PCDHA1: variants seen among roughly 807,000 people sequenced by gnomAD.
The protein encoded by PCDHA1 is protocadherin alpha-1.
In PCDHA1, 42 loss-of-function variants were observed where a neutral mutation model predicts 61.3. The observed-to-expected ratio is 0.69, with a 90% confidence interval of 0.54 to 0.89. PCDHA1 has a LOEUF of 0.89. Ranked by LOEUF, PCDHA1 falls within the 40% of genes least tolerant of loss-of-function variation. The pLI is 0.00. For synonymous variants in PCDHA1, 610 were observed against 553.8 expected (o/e 1.10, Z -1.43); for missense variants, 1,256 against 1,235.3 (o/e 1.02, Z -0.25).
At chr5:140,956,142 T>C (rs1416783643) in intron 1 of PCDHA1, among the ~76,000 whole-genome samples, 1 of 152,194 alleles carries the variant, frequency 6.6e-6, no homozygotes, top group East Asian at 1.9e-4. Flanking sequence ...CCTTTATTTC[T>C]TTCTCTTTCC....
chr5:140,882,775 C>G, intron 1 of PCDHA1: 10 of 1,614,220 alleles, frequency 6.2e-6, no homozygotes, highest in Non-Finnish European at 8.5e-6. Flanking sequence ...CGGCATTGAC[C>G]TACCGACTGG....
Position 140,858,553 on chromosome 5 carries a change from G to A in PCDHA1, c.2394+69869G>A, listed in dbSNP as rs782150802. 10 of 1,392,490 alleles carry A rather than the reference G, an allele frequency of 7.2e-6. 2 individuals are homozygous for A. In the South Asian group the frequency reaches 1.1e-4, roughly 16 times the overall value. The allele number at this position is 1,392,490 out of a possible 1,614,324, so 86.3% of individuals were successfully genotyped here. ...TTTTGTCTACATTCCATTTATGCTT[G>A]AATATTTCTAGTGATACCTTTGTAA... On this transcript the variant is annotated intron_variant, in intron 1 of 3. Coordinates refer to ENST00000504120, the MANE Select transcript of PCDHA1 (RefSeq NM_018900.4).
At position 141,012,270 on chromosome 5, in the gene PCDHA1, G is replaced by A. The variant is rs782033901; in HGVS notation, c.*2333G>A. On this transcript the variant is annotated 3_prime_UTR_variant, in exon 4 of 4. Coordinates refer to ENST00000504120, the MANE Select transcript of PCDHA1 (RefSeq NM_018900.4). ...TATTACAGCTGTAAGGATAAAACAC[G>A]TCATGTGGATTCATTTTGAATTGGT... is the stretch of plus-strand genomic sequence containing the variant. 4 of 153,734 alleles carry A rather than the reference G, an allele frequency of 2.6e-5. No individual in the cohort carries two copies. The highest frequency in any genetic ancestry group is 5.9e-5 in the Non-Finnish European group (4 of 68,028). 9.5% of individuals were successfully genotyped at this position (153,734 alleles called of 1,614,324 possible).
At position 140,982,581 on chromosome 5, in the gene PCDHA1, C is replaced by G. The variant is rs782060139; in HGVS notation, c.2542+18C>G. 6.2e-7 allele frequency: 1 copy of G among 1,612,214 alleles called. No homozygotes were observed. The highest frequency in any genetic ancestry group is 1.1e-5 in the South Asian group (1 of 90,796). The stretch of plus-strand genomic sequence containing the variant: ...AACACCAGGTAAAGAGCTGGGGTCT[C>G]TCCATTCTTTCTTGGTTTCTGGAAA... On this transcript the variant is annotated intron_variant, in intron 3 of 3. Transcript: ENST00000504120.
Position 140,924,861 on chromosome 5 carries a change from C to T in PCDHA1, c.2395-54088C>T, listed in dbSNP as rs150955497. ...AGGGAGCTCAGATCGTGCCACTGCA[C>T]TCCAGCCTGGGTGACAGAGCAAGAA... On this transcript the variant is annotated intron_variant, in intron 1 of 3. Transcript: ENST00000504120. Among the ~76,000 whole-genome samples, 427 of 150,140 alleles carry T rather than the reference C, an allele frequency of 2.8e-3. 1 individual carries two copies. The highest frequency in any genetic ancestry group is 0.01 in the African/African-American group (408 of 40,512).
At chr5:140,830,269 A>G (rs2150183853) in intron 1 of PCDHA1, 5 of 1,613,514 alleles carry the variant, frequency 3.1e-6, no homozygotes, top group Admixed American at 1.7e-5. Flanking sequence ...GCTCGGCGCC[A>G]CCCACCGAGG....
chr5:140,978,810 G>C, intron 1 of PCDHA1, 139 bp from the exon 2 acceptor site: 2 of 1,500,034 alleles, frequency 1.3e-6, no homozygotes, highest in Non-Finnish European at 1.8e-6. Flanking sequence ...TATCATCATA[G>C]AGTTACACAT....
intron 1 of PCDHA1, among the ~76,000 whole-genome samples, chr5:140,793,782 C>T (rs1458104458): frequency 2.0e-5 from 3 of 151,962 alleles, no homozygotes; most frequent in African/African-American, 7.3e-5. Context: ...AAAAAGAGAT[C>T]GATTGTATTG....
intron 1 of PCDHA1, among the ~76,000 whole-genome samples, chr5:140,806,162 G>T (rs1554123544): frequency 6.6e-6 from 1 of 152,028 alleles, no homozygotes; most frequent in African/African-American, 2.4e-5. Context: ...TATAAAATGG[G>T]GTAAATTGGC....
At chr5:140,848,454 G>A in intron 1 of PCDHA1, 1 of 1,522,350 alleles carries the variant, frequency 6.6e-7, no homozygotes, top group South Asian at 1.2e-5. Context: ...CTTCTAATTT[G>A]GAGGCAATTT....
intron 1 of PCDHA1, chr5:140,882,620 C>T: frequency 6.2e-7 from 1 of 1,614,220 alleles, no homozygotes; most frequent in Non-Finnish European, 8.5e-7. Flanking sequence ...GCAGGTTTTC[C>T]ATGTGGAGGT....
intron 1 of PCDHA1, chr5:140,795,280 G>C (rs11167600): frequency 0.54 from 870,619 of 1,614,054 alleles, 236,826 homozygotes; most frequent in African/African-American, 0.72. Context: ...TAGCATCCAC[G>C]TGGAGGTGAT....
At chr5:140,841,695 A>C in intron 1 of PCDHA1, 1 of 1,613,932 alleles carries the variant, frequency 6.2e-7, no homozygotes, top group East Asian at 2.2e-5. Flanking sequence ...GAGGTGAAGG[A>C]TGTTAATGAC....
At chr5:140,861,334 A>G in intron 1 of PCDHA1, 1 of 250,308 alleles carries the variant, frequency 4.0e-6, no homozygotes, top group Non-Finnish European at 8.2e-6. Context: ...CCATCCTGGA[A>G]GAGGCCAAGG....
At chr5:140,864,602 A>T (rs1472168357) in intron 1 of PCDHA1, 2 of 152,210 alleles carry the variant, frequency 1.3e-5, no homozygotes, top group African/African-American at 4.8e-5. Flanking sequence ...CAGATAGCCA[A>T]CAACTTTGTT....
chr5:140,869,577 T>C, intron 1 of PCDHA1: 2 of 1,614,188 alleles, frequency 1.2e-6, no homozygotes, highest in Non-Finnish European at 8.5e-7. Context: ...AGGGAGCTTC[T>C]GATGCTGACA....
At chr5:140,829,831 G>C in intron 1 of PCDHA1, 1 of 1,613,918 alleles carries the variant, frequency 6.2e-7, no homozygotes. Flanking sequence ...TGAGCGAGCT[G>C]GTGCCGCGGT....
Position 141,009,639 on chromosome 5 carries a change from G to A in PCDHA1, c.2555G>A (p.Gly852Glu). The stretch of plus-strand genomic sequence containing the variant: ...TTTTGTCTTTCAGAACCAGAGGCAG[G>A]AGAAGTGTCCCCTCCAGTCGGTGCG... ...VSSATPEPEA[G>E]EVSPPVGAGV... The change falls in exon 4 of 4, where the codon GGA becomes GAA. Residue 852 changes from glycine to glutamate, a missense_variant. Transcript: ENST00000504120. The A allele has an allele frequency of 6.2e-7, 1 of 1,613,406 alleles. No individual in the cohort carries two copies. The highest frequency in any genetic ancestry group is 8.5e-7 in the Non-Finnish European group (1 of 1,179,594).
Position 140,834,565 on chromosome 5 carries a change from C to A in PCDHA1, c.2394+45881C>A, listed in dbSNP as rs376907347. 4 of 1,613,968 alleles carry A rather than the reference C, an allele frequency of 2.5e-6. No homozygotes were observed. In the South Asian group the frequency reaches 3.3e-5, roughly 13 times the overall value. On this transcript the variant is annotated intron_variant, in intron 1 of 3. Transcript: ENST00000504120. ...GGGCTGGAGCTGGCGGAGCTGGTGC[C>A]GCGCCTGTTCCGGGCGGTGTGCAAA...
Sources: gnomAD v4.1 joint callset for allele counts (sites outside exome capture counted in the v4.1 genomes callset) on GRCh38, gnomAD v4.1.1 for gene constraint, MANE v1.5 for transcripts, NCBI Gene and HGNC (gene_info 2026-07-23, HGNC 2026-07-21) for gene names.